The following ESR2 variants were observed in gnomAD, a reference collection of about 807,000 sequenced individuals.
ESR2 encodes the protein estrogen receptor 2, also known as estrogen receptor beta.
A neutral mutation model predicts 49.6 loss-of-function variants in ESR2; 36 were observed. That is an observed-to-expected ratio of 0.73 (90% CI 0.56 to 0.96). ESR2 has a LOEUF of 0.96. ESR2 is among the 40% of genes least tolerant of loss of function. The pLI, the probability that ESR2 is intolerant of heterozygous loss-of-function variation, is 0.00. For synonymous variants in ESR2, 320 were observed against 266.1 expected, an observed-to-expected ratio of 1.20 and a Z score of -1.97; for missense variants, 714 against 693.0, an observed-to-expected ratio of 1.03 and a Z score of -0.34.
chr14:64,283,972 C>T (rs199765998), intron 1 of ESR2, among the ~76,000 whole-genome samples: 2 of 151,988 alleles, frequency 1.3e-5, no homozygotes, highest in East Asian at 1.9e-4. Context: ...GTCACCCAGG[C>T]TGGAGTGCAG....
At chr14:64,268,766 A>G (rs2076380676) in intron 4 of ESR2, 29 bp downstream of exon 4, 1 of 1,332,344 alleles carries the variant, frequency 7.5e-7, no homozygotes. Context: ...CAAGGCCCAT[A>G]TTCAATAAGA....
intron 1 of ESR2, among the ~76,000 whole-genome samples, chr14:64,309,788 G>A (rs1188189558): frequency 6.6e-6 from 1 of 151,796 alleles, no homozygotes; most frequent in African/African-American, 2.4e-5. Flanking sequence ...TGACTAACAT[G>A]GTGAAAGCTC....
intron 1 of ESR2, among the ~76,000 whole-genome samples, chr14:64,290,266 T>G (rs1031671468): frequency 4.6e-5 from 7 of 152,150 alleles, no homozygotes; most frequent in Non-Finnish European, 1.0e-4. Context: ...AGATAGGGTC[T>G]CACTGTGTTG....
chr14:64,324,188 T>A (rs572864686), intron 1 of ESR2, among the ~76,000 whole-genome samples: 12 of 152,324 alleles, frequency 7.9e-5, no homozygotes, highest in African/African-American at 2.6e-4. Flanking sequence ...TCTGTTTGAC[T>A]GATAGAATAT....
chr14:64,331,442 C>T (rs762700092), intron 1 of ESR2, among the ~76,000 whole-genome samples: 1 of 152,166 alleles, frequency 6.6e-6, no homozygotes, highest in African/African-American at 2.4e-5. Context: ...ATAGAACAAG[C>T]AAGAAGTCCT....
chr14:64,275,671 C>T (rs2076544976), intron 3 of ESR2, among the ~76,000 whole-genome samples: 1 of 151,882 alleles, frequency 6.6e-6, no homozygotes. Context: ...CCATTACACT[C>T]CAGCCTGGAT....
intron 1 of ESR2, among the ~76,000 whole-genome samples, chr14:64,321,683 GAA>G (rs2077325920): frequency 6.6e-6 from 1 of 152,120 alleles, no homozygotes; most frequent in African/African-American, 2.4e-5. Context: ...TTGTAGAAAA[GAA>G]AAGCCCAGTG....
chr14:64,236,434 G>T (rs1454967910), intron 7 of ESR2, among the ~76,000 whole-genome samples: 1 of 151,942 alleles, frequency 6.6e-6, no homozygotes, highest in Admixed American at 6.6e-5. Flanking sequence ...CCCCACCCTT[G>T]GCCCCGTGTG....
At chr14:64,304,016 A>G (rs1000366722) in intron 1 of ESR2, among the ~76,000 whole-genome samples, 1 of 152,224 alleles carries the variant, frequency 6.6e-6, no homozygotes, top group African/African-American at 2.4e-5. Flanking sequence ...AATACTGTTA[A>G]TATTAGTTGG....
chr14:64,254,482 C>G (rs528223201), intron 6 of ESR2, among the ~76,000 whole-genome samples: 236 of 151,924 alleles, frequency 1.6e-3, no homozygotes, highest in African/African-American at 5.6e-3. Flanking sequence ...CGTGGTGACT[C>G]ACGTCTGTAA....
chr14:64,289,835 GGAT>G (rs2076843037), intron 1 of ESR2, among the ~76,000 whole-genome samples: 1 of 152,076 alleles, frequency 6.6e-6, no homozygotes, highest in Non-Finnish European at 1.5e-5. Flanking sequence ...CAGACTAGGA[GGAT>G]AAGTCTAGGA....
chr14:64,234,052 CTG>C (rs543626457), intron 8 of ESR2: 8 of 152,304 alleles, frequency 5.3e-5, no homozygotes, highest in African/African-American at 1.9e-4. Context: ...TTCTGCCACT[CTG>C]TTCATGACCT....
At position 64,241,619 on chromosome 14, in the gene ESR2, T is replaced by TA. The variant is rs756531669; in HGVS notation, c.1226-6470dup. Among the ~76,000 whole-genome samples, 24 of 152,352 alleles carry TA rather than the reference T, an allele frequency of 1.6e-4. 1 individual carries two copies. Among genetic ancestry groups the TA allele is most frequent in the Non-Finnish European group, 2.8e-4 (19 of 68,020 alleles). ...TCCTTCAGCTATATTTTGCAGTGTT[T>TA]AGTGTGCAGGTTTCATGTCTTTTGC... On this transcript the variant is annotated intron_variant, in intron 7 of 8. Transcript: ENST00000341099.
intron 3 of ESR2, among the ~76,000 whole-genome samples, chr14:64,277,560 G>A (rs955624463): frequency 6.7e-6 from 1 of 148,302 alleles, no homozygotes; most frequent in African/African-American, 2.5e-5. Flanking sequence ...GGGAGGCAGA[G>A]CTTGCAGTGA....
At chr14:64,300,516 T>C (rs1488310783) in intron 1 of ESR2, among the ~76,000 whole-genome samples, 1 of 152,192 alleles carries the variant, frequency 6.6e-6, no homozygotes, top group Non-Finnish European at 1.5e-5. Flanking sequence ...TCCCAGCACT[T>C]TGGGAGGCCA....
chr14:64,295,149 T>C (rs1171424518), upstream of ESR2, among the ~76,000 whole-genome samples: 1 of 152,134 alleles, frequency 6.6e-6, no homozygotes, highest in African/African-American at 2.4e-5. Context: ...CAGCTGTTGC[T>C]GATGAAAATG....
intron 4 of ESR2, among the ~76,000 whole-genome samples, chr14:64,261,232 C>T (rs148115585): frequency 1.0e-3 from 89 of 88,590 alleles, no homozygotes; most frequent in Middle Eastern, 7.2e-3. Context: ...TTTTATTTTT[C>T]TTTTTTCTTT....
upstream of ESR2, among the ~76,000 whole-genome samples, chr14:64,299,318 T>C (rs938245797): frequency 6.6e-6 from 1 of 152,110 alleles, no homozygotes; most frequent in Non-Finnish European, 1.5e-5. Context: ...GTTCATATCA[T>C]GGAAAGTTAC....
intron 1 of ESR2, among the ~76,000 whole-genome samples, chr14:64,291,122 C>T (rs1209693443): frequency 3.3e-5 from 5 of 152,242 alleles, no homozygotes; most frequent in African/African-American, 7.2e-5. Context: ...GAGAGAATTC[C>T]GAGTGAAGGG....
Sources: allele counts gnomAD v4.1 joint callset (sites outside exome capture counted in the v4.1 genomes callset), GRCh38; gene constraint gnomAD v4.1.1; transcripts MANE v1.5; gene names NCBI Gene and HGNC (gene_info 2026-07-23, HGNC 2026-07-21).